HIP1: variants seen among roughly 807,000 people sequenced by gnomAD.
The protein encoded by HIP1 is huntingtin interacting protein 1.
A neutral mutation model predicts 147.6 loss-of-function variants in HIP1; 65 were observed. The observed-to-expected ratio is 0.44, with a 90% CI of 0.36 to 0.54. The LOEUF (loss-of-function observed/expected upper bound fraction) is 0.54, where lower values mean the gene tolerates loss of function less well. HIP1 is among the 20% of genes least tolerant of loss of function. HIP1 has a pLI of 0.00. For missense variants in HIP1, 1,061 were observed against 1,299.6 expected (o/e 0.82, Z 2.82); for synonymous variants, 479 against 504.0 (o/e 0.95, Z 0.67).
At chr7:75,604,209 T>A (rs1367886593) in intron 1 of HIP1, among the ~76,000 whole-genome samples, 3 of 152,274 alleles carry the variant, frequency 2.0e-5, no homozygotes, top group South Asian at 4.1e-4. Context: ...CCGGAGCCCA[T>A]CAAGGTTGTC....
intron 1 of HIP1, among the ~76,000 whole-genome samples, chr7:75,675,848 G>T (rs1320248092): frequency 6.6e-6 from 1 of 152,114 alleles, no homozygotes; most frequent in African/African-American, 2.4e-5. Flanking sequence ...AGGCATGGTG[G>T]TGTGTGCTTG....
chr7:75,674,498 T>TG (rs1554515715), intron 1 of HIP1, among the ~76,000 whole-genome samples: 95 of 81,220 alleles, frequency 1.2e-3, no homozygotes, highest in African/African-American at 4.9e-3. Flanking sequence ...TGCGGCTTTT[T>TG]GTTTTTTTTT....
At chr7:75,704,627 G>T (rs1554519496) in intron 1 of HIP1, among the ~76,000 whole-genome samples, 1 of 152,088 alleles carries the variant, frequency 6.6e-6, no homozygotes, top group Admixed American at 6.6e-5. Context: ...GCTCAGGCTG[G>T]AGTGCAGTAC....
chr7:75,632,561 CTTTTTTTT>C (rs58364410), intron 1 of HIP1, among the ~76,000 whole-genome samples: 1 of 134,262 alleles, frequency 7.4e-6, no homozygotes, highest in Non-Finnish European at 1.6e-5. Context: ...CTAATTTTTT[CTTTTTTTT>C]TTTTTTTTTG....
chr7:75,560,560 T>C (rs1167837), intron 13 of HIP1, among the ~76,000 whole-genome samples: 18,353 of 151,848 alleles, frequency 0.12, 1,317 homozygotes, highest in African/African-American at 0.19. Flanking sequence ...CAAACCAATC[T>C]CTCCTTATCG....
Position 75,562,921 on chromosome 7 carries a change from C to T in HIP1, c.1020+14G>A. On this transcript the variant is annotated intron_variant, in intron 11 of 30. Transcript: ENST00000336926. ...GAGAGGAAAGGCCAAGTTTCTCTCC[C>T]AAGTGGTCCTCACCTGCTGAGAGGC... 6.2e-7 allele frequency: 1 copy of T among 1,613,882 alleles called. No homozygotes were observed. The highest frequency in any genetic ancestry group is 1.1e-5 in the South Asian group (1 of 91,054).
At chr7:75,647,511 T>C (rs1554511287) in intron 1 of HIP1, among the ~76,000 whole-genome samples, 1 of 152,220 alleles carries the variant, frequency 6.6e-6, no homozygotes, top group African/African-American at 2.4e-5. Context: ...CAGTGGCTGC[T>C]TTTGGGACTT....
At chr7:75,553,034 G>T (rs1216686825) in intron 22 of HIP1, among the ~76,000 whole-genome samples, 2 of 151,632 alleles carry the variant, frequency 1.3e-5, no homozygotes, top group African/African-American at 4.8e-5. Flanking sequence ...CACCTCCTGG[G>T]TTCAAGCAAT....
intron 1 of HIP1, among the ~76,000 whole-genome samples, chr7:75,646,988 C>A (rs1798820200): frequency 6.6e-6 from 1 of 152,128 alleles, no homozygotes. Flanking sequence ...AGTGGACCCT[C>A]CTGGTTAGGA....
intron 7 of HIP1, among the ~76,000 whole-genome samples, chr7:75,578,962 C>T (rs782035703): frequency 5.9e-5 from 9 of 151,786 alleles, no homozygotes; most frequent in Non-Finnish European, 8.8e-5. Flanking sequence ...ATTACAGGCA[C>T]ACACCATCAA....
intron 1 of HIP1, among the ~76,000 whole-genome samples, chr7:75,726,306 C>T (rs1037059009): frequency 6.7e-6 from 1 of 148,526 alleles, no homozygotes; most frequent in East Asian, 2.0e-4. Flanking sequence ...TTCTTTGAGA[C>T]GGAGTCTCGC....
At position 75,647,548 on chromosome 7, in the gene HIP1, T is replaced by C. The variant is rs189439910; in HGVS notation, c.121-48301A>G. 7.2e-5 allele frequency among the ~76,000 whole-genome samples: 11 copies of C among 152,326 alleles called. No individual in the cohort carries two copies. In the East Asian group the frequency reaches 1.9e-3, roughly 27 times the overall value. On this transcript the variant is annotated intron_variant, in intron 1 of 30. Coordinates refer to ENST00000336926, the MANE Select transcript of HIP1 (RefSeq NM_005338.7). ...CGCTGCTGCTAAGCCATCTCAGAAG[T>C]GTGCTTCCCTTCAGAGGAAGGGACA... is the stretch of plus-strand genomic sequence containing the variant.
intron 1 of HIP1, chr7:75,627,050 G>C (rs1450078931): frequency 1.3e-5 from 2 of 152,150 alleles, no homozygotes; most frequent in African/African-American, 4.8e-5. Context: ...TGGATTACCT[G>C]TTTCCTTACT....
intron 1 of HIP1, among the ~76,000 whole-genome samples, chr7:75,728,364 A>G (rs1801719606): frequency 6.6e-6 from 1 of 152,186 alleles, no homozygotes; most frequent in Non-Finnish European, 1.5e-5. Flanking sequence ...CAGGCAGGAA[A>G]ACAGGAAACA....
chr7:75,615,118 G>A (rs587678752), intron 1 of HIP1, among the ~76,000 whole-genome samples: 1 of 152,142 alleles, frequency 6.6e-6, no homozygotes, highest in African/African-American at 2.4e-5. Flanking sequence ...GGGCAAGGCT[G>A]CCACACAGAT....
At position 75,548,981 on chromosome 7, in the gene HIP1, C is replaced by CGG. The variant is rs1554491577; in HGVS notation, c.2315_2316insCC (p.Asp773ArgfsTer30). 6.2e-7 allele frequency: 1 copy of CGG among 1,613,904 alleles called. No homozygotes were observed. The highest frequency in any genetic ancestry group is 1.7e-5 in the Admixed American group (1 of 60,018). On this transcript the variant is annotated frameshift_variant, in exon 23 of 31. Coordinates refer to ENST00000336926, the MANE Select transcript of HIP1 (RefSeq NM_005338.7). LOFTEE classifies it high-confidence loss of function. ...CCCCCAGCTCCTCCTGCTTGATGTC[C>CGG]AGTCCCCTGGGCAGGAGCTCCTGTG...
chr7:75,693,038 G>A (rs570051236), intron 1 of HIP1, among the ~76,000 whole-genome samples: 33 of 151,700 alleles, frequency 2.2e-4, no homozygotes, highest in African/African-American at 7.5e-4. Context: ...GGTGCTACGC[G>A]CCTGTAATCC....
intron 2 of HIP1, among the ~76,000 whole-genome samples, chr7:75,594,428 C>A (rs1273831799): frequency 1.3e-5 from 2 of 152,000 alleles, no homozygotes; most frequent in African/African-American, 4.8e-5. Context: ...TCTCCCCAGG[C>A]CTGATTCCAA....
chr7:75,613,332 T>C (rs1554505402), intron 1 of HIP1, among the ~76,000 whole-genome samples: 1 of 152,040 alleles, frequency 6.6e-6, no homozygotes, highest in Non-Finnish European at 1.5e-5. Context: ...TGGGGAGCCT[T>C]CTGTGCTCCG....
Sources: allele counts gnomAD v4.1 joint callset (sites outside exome capture counted in the v4.1 genomes callset), GRCh38; gene constraint gnomAD v4.1.1; transcripts MANE v1.5; gene names NCBI Gene and HGNC (gene_info 2026-07-23, HGNC 2026-07-21).